KDM2A: variants seen among roughly 807,000 people sequenced by gnomAD.
KDM2A encodes lysine demethylase 2A, also known as lysine-specific demethylase 2A.
KDM2A carries 3 observed loss-of-function variants against 137.3 expected under a neutral mutation model. The observed-to-expected ratio is 0.02, with a 90% CI of 0.01 to 0.06. The LOEUF (loss-of-function observed/expected upper bound fraction) is 0.06, where lower values mean the gene tolerates loss of function less well. Ranked by LOEUF, KDM2A falls within the 10% of genes least tolerant of loss-of-function variation. The pLI, the probability that KDM2A is intolerant of heterozygous loss-of-function variation, is 1.00. For missense variants in KDM2A, 738 were observed against 1,510.6 expected (o/e 0.49, Z 8.48); for synonymous variants, 512 against 541.5 (o/e 0.95, Z 0.76).
chr11:67,155,744 G>A (rs1345609539), intron 2 of KDM2A, among the ~76,000 whole-genome samples: 1 of 151,552 alleles, frequency 6.6e-6, no homozygotes, highest in African/African-American at 2.4e-5. Flanking sequence ...AGCCTCCTAA[G>A]TAGCTGTGAT....
chr11:67,256,369 A>G lies in KDM2A; in HGVS notation c.*1314A>G, dbSNP rs1465941210. ...TGCACTTTAAAAAAAAAAAGAAAGA[A>G]AGAAAGGTCGGAATTTCTTTTGGGT... On this transcript the variant is annotated 3_prime_UTR_variant, in exon 21 of 21. Transcript: ENST00000529006. 1 of 152,522 alleles carries G rather than the reference A, an allele frequency of 6.6e-6. No individual in the cohort carries two copies. The highest frequency in any genetic ancestry group is 2.4e-5 in the African/African-American group (1 of 41,424). 9.4% of individuals were successfully genotyped at this position (152,522 alleles called of 1,614,324 possible). A position where few individuals can be genotyped will look rare whatever the true frequency, so the allele number is the denominator to read the frequency against.
intron 2 of KDM2A, among the ~76,000 whole-genome samples, chr11:67,139,874 A>G (rs986344073): frequency 2.0e-5 from 3 of 151,298 alleles, no homozygotes; most frequent in African/African-American, 7.3e-5. Flanking sequence ...ATGCCTGGCT[A>G]TTTTTGTATT....
intron 5 of KDM2A, among the ~76,000 whole-genome samples, chr11:67,191,832 CAG>C (rs1479290559): frequency 6.6e-6 from 1 of 152,142 alleles, no homozygotes; most frequent in African/African-American, 2.4e-5. Context: ...GAAGTCCTAA[CAG>C]AGCAATTAGG....
intron 5 of KDM2A, among the ~76,000 whole-genome samples, chr11:67,198,934 A>G (rs1164112891): frequency 5.9e-5 from 9 of 151,902 alleles, no homozygotes; most frequent in Non-Finnish European, 1.3e-4. Flanking sequence ...ATGCACCACC[A>G]TGCCTGGCTA....
At chr11:67,179,273 GT>G (rs1857035585) in intron 2 of KDM2A, among the ~76,000 whole-genome samples, 1 of 151,704 alleles carries the variant, frequency 6.6e-6, no homozygotes, top group South Asian at 2.1e-4. Flanking sequence ...TTTTTGTTTT[GT>G]TTTGTTTTGT....
intron 2 of KDM2A, among the ~76,000 whole-genome samples, chr11:67,160,089 G>T (rs904542725): frequency 6.6e-6 from 1 of 152,144 alleles, no homozygotes; most frequent in African/African-American, 2.4e-5. Context: ...CTGCCTCACT[G>T]CCTCTTCCCT....
intron 10 of KDM2A, among the ~76,000 whole-genome samples, chr11:67,222,729 G>GT (rs1300572748): frequency 6.8e-6 from 1 of 146,850 alleles, no homozygotes. Context: ...CTGAAAATTG[G>GT]TTTTTAGAAT....
intron 2 of KDM2A, among the ~76,000 whole-genome samples, chr11:67,147,760 T>C (rs1856288173): frequency 6.6e-6 from 1 of 151,294 alleles, no homozygotes; most frequent in Non-Finnish European, 1.5e-5. Flanking sequence ...TCACTGCAAC[T>C]GCCGCCTCCT....
intron 2 of KDM2A, among the ~76,000 whole-genome samples, chr11:67,149,821 A>C (rs1177800746): frequency 6.6e-6 from 1 of 151,768 alleles, no homozygotes; most frequent in Non-Finnish European, 1.5e-5. Context: ...CCCAGGTTCA[A>C]GTGATTCTCC....
At chr11:67,129,463 G>A (rs533819427) in intron 2 of KDM2A, among the ~76,000 whole-genome samples, 19 of 151,960 alleles carry the variant, frequency 1.3e-4, no homozygotes, top group Non-Finnish European at 2.6e-4. Context: ...GGCCGGGCGC[G>A]GTGGCTCACA....
chr11:67,172,616 T>TTGTG (rs35333315), intron 2 of KDM2A, among the ~76,000 whole-genome samples: 3,834 of 146,482 alleles, frequency 0.026, 156 homozygotes, highest in African/African-American at 0.085. Context: ...GCTCTTATAG[T>TTGTG]TGTGTGTGTG....
intron 2 of KDM2A, among the ~76,000 whole-genome samples, chr11:67,122,976 T>C (rs1855633731): frequency 6.6e-6 from 1 of 151,742 alleles, no homozygotes; most frequent in Non-Finnish European, 1.5e-5. Flanking sequence ...CATCTGGCCT[T>C]TTATTTTTAT....
intron 6 of KDM2A, among the ~76,000 whole-genome samples, chr11:67,208,067 G>A (rs1428988396): frequency 6.6e-6 from 1 of 151,934 alleles, no homozygotes; most frequent in Admixed American, 6.6e-5. Flanking sequence ...TTTATACTGG[G>A]AAATTTTATA....
At chr11:67,188,338 C>T (rs1284577149) in intron 5 of KDM2A, among the ~76,000 whole-genome samples, 11 of 151,858 alleles carry the variant, frequency 7.2e-5, no homozygotes, top group African/African-American at 1.9e-4. Flanking sequence ...AAATATTAGC[C>T]GGGTGTGGTG....
chr11:67,194,190 T>C (rs1048275382), intron 5 of KDM2A, among the ~76,000 whole-genome samples: 7 of 152,348 alleles, frequency 4.6e-5, no homozygotes, highest in African/African-American at 1.7e-4. Context: ...TCTGTTCTCT[T>C]TGTGTATCTC....
chr11:67,196,404 A>T (rs770857787), intron 5 of KDM2A: 169 of 455,920 alleles, frequency 3.7e-4, no homozygotes, highest in Non-Finnish European at 6.2e-4. Flanking sequence ...CCTCTTGCAT[A>T]GCTGGGACTG....
chr11:67,178,381 C>T (rs1857015557), intron 2 of KDM2A, among the ~76,000 whole-genome samples: 1 of 151,926 alleles, frequency 6.6e-6, no homozygotes, highest in Non-Finnish European at 1.5e-5. Flanking sequence ...TTCCAGCCTG[C>T]GCGACAGAGC....
intron 2 of KDM2A, among the ~76,000 whole-genome samples, chr11:67,121,979 T>C (rs1855607685): frequency 2.0e-5 from 3 of 152,220 alleles, no homozygotes; most frequent in Admixed American, 2.0e-4. Flanking sequence ...GGCTTATATC[T>C]GTATATGAAC....
chr11:67,189,755 A>G (rs1029451764), intron 5 of KDM2A, among the ~76,000 whole-genome samples: 3 of 151,976 alleles, frequency 2.0e-5, no homozygotes, highest in Non-Finnish European at 2.9e-5. Context: ...CAGGAGAATC[A>G]CTTGAACCTG....
Sources: allele counts gnomAD v4.1 joint callset (sites outside exome capture counted in the v4.1 genomes callset), GRCh38; gene constraint gnomAD v4.1.1; transcripts MANE v1.5; gene names NCBI Gene and HGNC (gene_info 2026-07-23, HGNC 2026-07-21).